Variants in TSPAN5 observed in about 807,000 individuals in gnomAD.
TSPAN5 encodes tetraspanin-5.
In TSPAN5, 10 loss-of-function variants were observed where a neutral mutation model predicts 37.1. The observed-to-expected ratio is 0.27, with a 90% confidence interval of 0.17 to 0.46. TSPAN5 has a LOEUF of 0.46. Among genes scored for constraint, TSPAN5 ranks in the 20% least tolerant of loss-of-function variants. TSPAN5 has a pLI of 1.00. For synonymous variants in TSPAN5, 110 were observed against 118.9 expected, an observed-to-expected ratio of 0.93 and a Z score of 0.48; for missense variants, 195 against 326.6, an observed-to-expected ratio of 0.60 and a Z score of 3.11.
intron 1 of TSPAN5, among the ~76,000 whole-genome samples, chr4:98,614,688 C>CAT (rs1314781671): frequency 6.6e-6 from 1 of 152,176 alleles, no homozygotes; most frequent in Admixed American, 6.5e-5. Flanking sequence ...CTTCATAAGG[C>CAT]AGTTACAAGA....
intron 1 of TSPAN5, among the ~76,000 whole-genome samples, chr4:98,553,803 A>G (rs1186893028): frequency 6.6e-6 from 1 of 152,184 alleles, no homozygotes; most frequent in East Asian, 1.9e-4. Context: ...ACGGTGGCTC[A>G]CGCCTGTAAT....
chr4:98,655,146 T>C (rs908939569), intron 1 of TSPAN5, among the ~76,000 whole-genome samples: 20 of 152,108 alleles, frequency 1.3e-4, no homozygotes, highest in African/African-American at 4.8e-4. Flanking sequence ...CGCCCAGCCT[T>C]GGTTTTTTTT....
At chr4:98,608,899 T>C (rs1187618970) in intron 1 of TSPAN5, among the ~76,000 whole-genome samples, 1 of 152,186 alleles carries the variant, frequency 6.6e-6, no homozygotes. Context: ...GTAAACTCTT[T>C]TCTGTCGCTC....
intron 1 of TSPAN5, among the ~76,000 whole-genome samples, chr4:98,606,438 A>G (rs180786814): frequency 4.2e-4 from 64 of 152,336 alleles, no homozygotes; most frequent in Middle Eastern, 3.4e-3. Flanking sequence ...ATCTTTCCAC[A>G]CTACATGCTA....
At chr4:98,599,040 C>G (rs973523947) in intron 1 of TSPAN5, among the ~76,000 whole-genome samples, 1 of 152,110 alleles carries the variant, frequency 6.6e-6, no homozygotes, top group African/African-American at 2.4e-5. Flanking sequence ...ACACACAATC[C>G]AGAGGCTATT....
At chr4:98,540,627 C>T (rs544322296) in intron 1 of TSPAN5, among the ~76,000 whole-genome samples, 3 of 152,290 alleles carry the variant, frequency 2.0e-5, no homozygotes, top group South Asian at 2.1e-4. Context: ...CGTGAGCCAC[C>T]GTGCCCAGCC....
intron 2 of TSPAN5, among the ~76,000 whole-genome samples, chr4:98,495,942 G>A (rs1244270142): frequency 1.3e-5 from 2 of 152,188 alleles, no homozygotes; most frequent in African/African-American, 4.8e-5. Flanking sequence ...AAGAAAGAGA[G>A]AGAGACAGGC....
Position 98,533,939 on chromosome 4 carries a change from TAAAAAAAAAA to T in TSPAN5, c.82-26221_82-26212del, listed in dbSNP as rs1194318640. On this transcript the variant is annotated intron_variant, in intron 1 of 7. Transcript: ENST00000305798. ...AGTGGTCTATCCATTTTGTTGATCT[TAAAAAAAAAA>T]AAAAAAAAAAAAACCAGCTCCTGGA... 4.2e-4 allele frequency among the ~76,000 whole-genome samples: 13 copies of T among 31,148 alleles called. 1 individual carries two copies. Among genetic ancestry groups the T allele is most frequent in the Non-Finnish European group, 6.5e-4 (13 of 20,102 alleles). The allele number at this position is 31,148 out of a possible 152,430, so 20.4% of individuals were successfully genotyped here. A position where few individuals can be genotyped will look rare whatever the true frequency, so the allele number is the denominator to read the frequency against.
intron 1 of TSPAN5, among the ~76,000 whole-genome samples, chr4:98,579,595 C>A (rs545448611): frequency 1.3e-5 from 2 of 152,162 alleles, no homozygotes; most frequent in Non-Finnish European, 2.9e-5. Context: ...ATTTTTCCCA[C>A]TAAAATTGTA....
At chr4:98,644,515 A>T (rs565300500) in intron 1 of TSPAN5, among the ~76,000 whole-genome samples, 67 of 151,420 alleles carry the variant, frequency 4.4e-4, no homozygotes, top group East Asian at 3.7e-3. Flanking sequence ...TTTTTTTTTT[A>T]AATTATTATA....
chr4:98,586,744 T>C (rs1030448511), intron 1 of TSPAN5, among the ~76,000 whole-genome samples: 2 of 152,246 alleles, frequency 1.3e-5, no homozygotes, highest in Non-Finnish European at 2.9e-5. Flanking sequence ...CCTGAAGCAC[T>C]GAATCTAATT....
chr4:98,511,803 C>T (rs1753611773), intron 1 of TSPAN5, among the ~76,000 whole-genome samples: 1 of 152,062 alleles, frequency 6.6e-6, no homozygotes, highest in African/African-American at 2.4e-5. Flanking sequence ...ACGTAAACTA[C>T]ATAGGTGGTT....
Position 98,505,753 on chromosome 4 carries a change from C to A in TSPAN5, c.132+1925G>T, listed in dbSNP as rs559523790. On this transcript the variant is annotated intron_variant, in intron 2 of 7. Coordinates refer to ENST00000305798, the MANE Select transcript of TSPAN5 (RefSeq NM_005723.4). Reference sequence around the variant, plus strand: ...ACTCAGGCCCCAGACACATGGCCAGCACTCACCAAACTGGGCTGGTGCACG... The same window carrying A: ...ACTCAGGCCCCAGACACATGGCCAGAACTCACCAAACTGGGCTGGTGCACG... Among the ~76,000 whole-genome samples, 8 of 152,338 alleles carry A rather than the reference C, an allele frequency of 5.3e-5. No homozygotes were observed. In the South Asian group the frequency reaches 1.7e-3, roughly 32 times the overall value.
Position 98,643,494 on chromosome 4 carries a change from T to G in TSPAN5, c.81+14652A>C, listed in dbSNP as rs530501889. Among the ~76,000 whole-genome samples the G allele has an allele frequency of 1.6e-3, 246 of 152,336 alleles. 1 individual carries two copies. The highest frequency in any genetic ancestry group is 5.5e-3 in the African/African-American group (229 of 41,568). Reference sequence around the variant, plus strand: ...ATATTGGTACTATATATTTTATATTTAAGTGGAATACATATGTATATATTT... The same window carrying G: ...ATATTGGTACTATATATTTTATATTGAAGTGGAATACATATGTATATATTT... On this transcript the variant is annotated intron_variant, in intron 1 of 7. Transcript: ENST00000305798.
chr4:98,579,846 G>A (rs1230774167), intron 1 of TSPAN5, among the ~76,000 whole-genome samples: 1 of 152,062 alleles, frequency 6.6e-6, no homozygotes, highest in Non-Finnish European at 1.5e-5. Flanking sequence ...AAATAATTTG[G>A]TCCCAATTAC....
At chr4:98,574,252 G>T (rs1181954787) in intron 1 of TSPAN5, among the ~76,000 whole-genome samples, 1 of 152,142 alleles carries the variant, frequency 6.6e-6, no homozygotes, top group Non-Finnish European at 1.5e-5. Context: ...TACTGACCTT[G>T]AATTGCATCT....
chr4:98,478,548 C>T lies in TSPAN5; in HGVS notation c.576+137G>A, dbSNP rs964065558. The T allele has an allele frequency of 7.4e-5, 76 of 1,030,298 alleles. No individual in the cohort carries two copies. The African/African-American group carries it at 1.1e-3, about 14-fold the overall frequency. The allele number at this position is 1,030,298 out of a possible 1,614,324, so 63.8% of individuals were successfully genotyped here. On this transcript the variant is annotated intron_variant, in intron 5 of 7. Transcript: ENST00000305798. ...ACTCCTACTAGGAAGATTTGAGCACCATAACCCCCTACAGGAGCTACAAAT... is the reference window on the plus strand; with the variant it reads ...ACTCCTACTAGGAAGATTTGAGCACTATAACCCCCTACAGGAGCTACAAAT...
At chr4:98,650,505 C>T (rs1163195267) in intron 1 of TSPAN5, among the ~76,000 whole-genome samples, 1 of 151,876 alleles carries the variant, frequency 6.6e-6, no homozygotes, top group Non-Finnish European at 1.5e-5. Flanking sequence ...TAATGCGAAC[C>T]AAGAATCTCA....
At chr4:98,631,155 C>T (rs1248861992) in intron 1 of TSPAN5, among the ~76,000 whole-genome samples, 1 of 152,192 alleles carries the variant, frequency 6.6e-6, no homozygotes, top group African/African-American at 2.4e-5. Flanking sequence ...AGAAACCTTG[C>T]AATTACTTTG....
Sources: allele counts gnomAD v4.1 joint callset (sites outside exome capture counted in the v4.1 genomes callset), GRCh38; gene constraint gnomAD v4.1.1; transcripts MANE v1.5; gene names NCBI Gene and HGNC (gene_info 2026-07-23, HGNC 2026-07-21).